The following EPHX2 variants were observed in gnomAD, a reference collection of about 807,000 sequenced individuals.
EPHX2 encodes the protein epoxide hydrolase 2.
In EPHX2, 74 loss-of-function variants were observed where a neutral mutation model predicts 78.7. That is an observed-to-expected ratio of 0.94 (90% confidence interval 0.78 to 1.14). EPHX2 has a LOEUF of 1.14. Ranked by LOEUF, EPHX2 falls within the 50% of genes most tolerant of loss-of-function variation. The pLI is 0.00. For synonymous variants in EPHX2, 251 were observed against 255.2 expected (o/e 0.98, Z 0.16); for missense variants, 715 against 702.5 (o/e 1.02, Z -0.20).
chr8:27,495,952 G>A (rs1813556709), intron 1 of EPHX2, among the ~76,000 whole-genome samples: 1 of 152,168 alleles, frequency 6.6e-6, no homozygotes, highest in African/African-American at 2.4e-5. Context: ...ATTAGTGTTT[G>A]CCCTCTGGGT....
intron 14 of EPHX2, 112 bp from the exon 15 acceptor site, chr8:27,540,442 C>T (rs1168416626): frequency 3.6e-6 from 3 of 827,944 alleles, no homozygotes; most frequent in Non-Finnish European, 6.1e-6. Context: ...TGGAGGCACT[C>T]ATAAGGCCTT....
downstream of EPHX2, among the ~76,000 whole-genome samples, chr8:27,547,606 T>C (rs57021546): frequency 0.042 from 6,393 of 152,266 alleles, 436 homozygotes; most frequent in African/African-American, 0.15. Context: ...AATGTATCAT[T>C]GTTGACTGTA....
chr8:27,538,600 C>T (rs1815286799), intron 13 of EPHX2, 59 bp from the exon 14 acceptor site: 2 of 1,493,570 alleles, frequency 1.3e-6, no homozygotes, highest in Admixed American at 1.8e-5. Context: ...TTCAGATGAG[C>T]ATATTTCCTT....
At position 27,543,733 on chromosome 8, in the gene EPHX2, C is replaced by G. The variant is rs752802093; in HGVS notation, c.1450-16C>G. On this transcript the variant is annotated splice_polypyrimidine_tract_variant and intron_variant, in intron 16 of 18. Transcript: ENST00000521400. ...TGTGGAGTGCTGGCCACTTCTGTTT[C>G]CTGTTCTCCCCCCAGATCCTGATTC... 6.2e-7 allele frequency: 1 copy of G among 1,613,760 alleles called. No homozygotes were observed. The highest frequency in any genetic ancestry group is 8.5e-7 in the Non-Finnish European group (1 of 1,179,874).
chr8:27,491,165 C>A lies in EPHX2; in HGVS notation c.-44C>A, dbSNP rs1014415902. ...TGCGCCCTGGCCTTCGCGCATCTCC[C>A]AGGTTAGCTGCGTGTCCGGGTGCTA... On this transcript the variant is annotated 5_prime_UTR_variant, in exon 1 of 19. Coordinates refer to ENST00000521400, the MANE Select transcript of EPHX2 (RefSeq NM_001979.6). 3 of 1,532,288 alleles carry A rather than the reference C, an allele frequency of 2.0e-6. No individual in the cohort carries two copies. Among genetic ancestry groups the A allele is most frequent in the Non-Finnish European group, 2.6e-6 (3 of 1,144,696 alleles). The allele number at this position is 1,532,288 out of a possible 1,614,324, so 94.9% of individuals were successfully genotyped here. A position where few individuals can be genotyped will look rare whatever the true frequency, so the allele number is the denominator to read the frequency against.
intron 12 of EPHX2, among the ~76,000 whole-genome samples, chr8:27,531,699 A>G (rs181374520): frequency 7.9e-5 from 12 of 152,248 alleles, no homozygotes; most frequent in South Asian, 4.2e-4. Flanking sequence ...TGGACCTGCA[A>G]TTTGGCTTCA....
chr8:27,526,131 G>T (rs535676421), intron 12 of EPHX2, among the ~76,000 whole-genome samples: 1 of 152,214 alleles, frequency 6.6e-6, no homozygotes, highest in Non-Finnish European at 1.5e-5. Context: ...AGGAATGGAA[G>T]GAATTAATTA....
rs574953373 is a variant in EPHX2, at chr8:27,544,327, G to C, written c.1589+83G>C. On this transcript the variant is annotated intron_variant, in intron 18 of 18. Transcript: ENST00000521400. ...ATAAAAGCTTTCCTGGTTTCATTGT[G>C]CTGGCTTTGGCCTGGCTTAGCCACT... is the stretch of plus-strand genomic sequence containing the variant. 2.3e-5 allele frequency: 36 copies of C among 1,599,676 alleles called. No homozygotes were observed. In the South Asian group the frequency reaches 3.4e-4, roughly 15 times the overall value.
In EPHX2 at chr8:27,520,998, C is replaced by A. The variant is rs540489212; in HGVS notation, c.972+89C>A. ...AAGGCGTCAGCCTCGAGCAGAGGTG[C>A]ACGGGCAGGGAGGGCCCATTTTGGG... On this transcript the variant is annotated intron_variant, in intron 10 of 18. Transcript: ENST00000521400. 3.9e-5 allele frequency: 61 copies of A among 1,559,776 alleles called. No homozygotes were observed. The South Asian group carries it at 6.0e-4, about 15-fold the overall frequency.
intron 12 of EPHX2, among the ~76,000 whole-genome samples, chr8:27,532,754 G>A (rs1023848299): frequency 1.3e-5 from 2 of 152,080 alleles, no homozygotes; most frequent in African/African-American, 4.8e-5. Context: ...CAGGTCATTA[G>A]ATCTAGGGCC....
intron 13 of EPHX2, 125 bp downstream of exon 13, chr8:27,536,980 G>A: frequency 1.1e-6 from 1 of 913,802 alleles, no homozygotes; most frequent in African/African-American, 1.7e-5. Context: ...CTATAGTCAG[G>A]GTAATTGAGG....
At chr8:27,519,546 A>G (rs1334066738) in intron 9 of EPHX2, among the ~76,000 whole-genome samples, 1 of 152,186 alleles carries the variant, frequency 6.6e-6, no homozygotes, top group Non-Finnish European at 1.5e-5. Flanking sequence ...AGGGATATGT[A>G]TTGGCATACA....
At chr8:27,515,546 G>T in intron 6 of EPHX2, 172 bp from the exon 7 acceptor site, 3 of 591,252 alleles carry the variant, frequency 5.1e-6, no homozygotes, top group Non-Finnish European at 6.0e-6. Flanking sequence ...AGGTTGGCCA[G>T]GGCCTCTTCT....
At chr8:27,543,371 C>T (rs1265096632) in intron 16 of EPHX2, among the ~76,000 whole-genome samples, 1 of 152,148 alleles carries the variant, frequency 6.6e-6, no homozygotes, top group Non-Finnish European at 1.5e-5. Flanking sequence ...TTGATTACTA[C>T]TGTGGCTGCC....
At chr8:27,520,269 G>A (rs1378509334) in intron 9 of EPHX2, among the ~76,000 whole-genome samples, 1 of 151,722 alleles carries the variant, frequency 6.6e-6, no homozygotes, top group Non-Finnish European at 1.5e-5. Flanking sequence ...GAGTTCAAGC[G>A]ATTCTCCTGC....
intron 12 of EPHX2, among the ~76,000 whole-genome samples, chr8:27,531,507 C>T (rs1308853787): frequency 6.6e-6 from 1 of 152,224 alleles, no homozygotes. Context: ...TTTCTCTTGG[C>T]CTGTCTTGGA....
chr8:27,535,978 G>A (rs1815198159), intron 12 of EPHX2, among the ~76,000 whole-genome samples: 1 of 152,200 alleles, frequency 6.6e-6, no homozygotes, highest in African/African-American at 2.4e-5. Flanking sequence ...CTCAGTGTCT[G>A]TGGAGCTGAT....
chr8:27,519,716 C>T (rs543321265), intron 9 of EPHX2, among the ~76,000 whole-genome samples: 2 of 152,304 alleles, frequency 1.3e-5, no homozygotes, highest in East Asian at 1.9e-4. Flanking sequence ...CAACAATAGA[C>T]GTTTGTTTTC....
In EPHX2 at chr8:27,506,871, G is replaced by C. The variant is rs772665504; in HGVS notation, c.538-1G>C. The stretch of plus-strand genomic sequence containing the variant: ...ATTCTCCCATGCTGTTTTGGGCTCA[G>C]GTCGTTTTTTTGGATGACATCGGGG... On this transcript the variant is annotated splice_acceptor_variant, in intron 4 of 18. Transcript: ENST00000521400. LOFTEE classifies it high-confidence loss of function. 1 of 1,613,830 alleles carries C rather than the reference G, an allele frequency of 6.2e-7. No individual in the cohort carries two copies. Among genetic ancestry groups the C allele is most frequent in the Non-Finnish European group, 8.5e-7 (1 of 1,179,892 alleles).
Sources: allele counts gnomAD v4.1 joint callset (sites outside exome capture counted in the v4.1 genomes callset), GRCh38; gene constraint gnomAD v4.1.1; transcripts MANE v1.5; gene names NCBI Gene and HGNC (gene_info 2026-07-23, HGNC 2026-07-21).